FAM184B: variants seen among roughly 807,000 people sequenced by gnomAD.
FAM184B encodes the protein protein FAM184B.
FAM184B carries 111 observed loss-of-function variants against 135.9 expected under a neutral mutation model. That is an observed-to-expected ratio of 0.82 (90% CI 0.70 to 0.96). The LOEUF (loss-of-function observed/expected upper bound fraction) is 0.96, where lower values mean the gene tolerates loss of function less well. Ranked by LOEUF, FAM184B falls within the 40% of genes least tolerant of loss-of-function variation. The pLI, the probability that FAM184B is intolerant of heterozygous loss-of-function variation, is 0.00. For missense variants in FAM184B, 1,375 were observed against 1,323.9 expected (o/e 1.04, Z -0.60); for synonymous variants, 552 against 524.8 (o/e 1.05, Z -0.71).
chr4:17,655,956 C>A (rs1299082846), intron 10 of FAM184B, among the ~76,000 whole-genome samples: 3 of 152,208 alleles, frequency 2.0e-5, no homozygotes. Context: ...AACCTAATGA[C>A]CTATCCGAGC....
intron 1 of FAM184B, among the ~76,000 whole-genome samples, chr4:17,774,450 C>G (rs567177812): frequency 1.3e-5 from 2 of 152,298 alleles, no homozygotes; most frequent in East Asian, 3.9e-4. Flanking sequence ...GAGGTGGACA[C>G]GGGCCCAGAG....
At chr4:17,765,534 A>G (rs1577294781) in intron 1 of FAM184B, among the ~76,000 whole-genome samples, 1 of 152,120 alleles carries the variant, frequency 6.6e-6, no homozygotes, top group African/African-American at 2.4e-5. Context: ...CACAGTTCTT[A>G]GCAGCATATC....
chr4:17,681,345 G>A (rs1427638017), intron 7 of FAM184B, among the ~76,000 whole-genome samples: 1 of 152,190 alleles, frequency 6.6e-6, no homozygotes, highest in Admixed American at 6.5e-5. Flanking sequence ...GTCTTGGGCA[G>A]AGCTGGGTGG....
At chr4:17,682,586 C>T (rs192924150) in intron 7 of FAM184B, among the ~76,000 whole-genome samples, 12 of 152,258 alleles carry the variant, frequency 7.9e-5, no homozygotes, top group Non-Finnish European at 1.3e-4. Context: ...GCAACCTCTA[C>T]CTCCCAGGTC....
At chr4:17,779,800 A>G (rs1049421909) in intron 1 of FAM184B, among the ~76,000 whole-genome samples, 2 of 152,240 alleles carry the variant, frequency 1.3e-5, no homozygotes, top group Non-Finnish European at 2.9e-5. Context: ...AAGACATAGT[A>G]TAGTCTTCTA....
At chr4:17,737,661 A>G (rs553250048) in intron 1 of FAM184B, among the ~76,000 whole-genome samples, 14 of 152,286 alleles carry the variant, frequency 9.2e-5, no homozygotes, top group African/African-American at 2.6e-4. Flanking sequence ...TTCGATTTTC[A>G]GTGTTCCTCC....
At chr4:17,703,459 A>G (rs954973316) in intron 5 of FAM184B, among the ~76,000 whole-genome samples, 1 of 151,704 alleles carries the variant, frequency 6.6e-6, no homozygotes, top group African/African-American at 2.4e-5. Flanking sequence ...GATCACACCA[A>G]TGCACTCCAG....
At chr4:17,636,874 G>T (rs905122990) in intron 14 of FAM184B, among the ~76,000 whole-genome samples, 2 of 152,170 alleles carry the variant, frequency 1.3e-5, no homozygotes, top group African/African-American at 4.8e-5. Context: ...AGGCCCCTGT[G>T]TGCACATAGA....
At chr4:17,677,609 T>G (rs537181006) in intron 7 of FAM184B, among the ~76,000 whole-genome samples, 109 of 152,052 alleles carry the variant, frequency 7.2e-4, no homozygotes, top group African/African-American at 2.4e-3. Context: ...AAGAATCATA[T>G]TAATCCTATT....
chr4:17,670,815 T>G (rs530292640), intron 7 of FAM184B, among the ~76,000 whole-genome samples: 1 of 152,294 alleles, frequency 6.6e-6, no homozygotes, highest in East Asian at 1.9e-4. Context: ...ACCCTGTATT[T>G]TCTGACTCCC....
At chr4:17,780,117 C>T (rs1422526571) in intron 1 of FAM184B, among the ~76,000 whole-genome samples, 1 of 152,124 alleles carries the variant, frequency 6.6e-6, no homozygotes, top group Non-Finnish European at 1.5e-5. Flanking sequence ...GGCTAGTGTT[C>T]AATTCCAAGC....
At chr4:17,656,345 T>C (rs1715778320) in intron 10 of FAM184B, among the ~76,000 whole-genome samples, 1 of 152,204 alleles carries the variant, frequency 6.6e-6, no homozygotes, top group Non-Finnish European at 1.5e-5. Context: ...ACTGACATCT[T>C]TTTTGAATAC....
chr4:17,652,758 G>T, intron 11 of FAM184B, 72 bp downstream of exon 11: 2 of 1,494,302 alleles, frequency 1.3e-6, no homozygotes, highest in Non-Finnish European at 1.8e-6. Flanking sequence ...CTGGCCCTCA[G>T]CTTGTCTCTG....
rs1398819971 is a variant in FAM184B at position 17,636,635 on chromosome 4, A to T, written c.2677T>A (p.Ser893Thr). 6.5e-7 allele frequency: 1 copy of T among 1,549,166 alleles called. No individual in the cohort carries two copies. The highest frequency in any genetic ancestry group is 8.7e-7 in the Non-Finnish European group (1 of 1,146,386). The change falls in exon 15 of 18, where the codon TCC becomes ACC. Residue 893 changes from serine to threonine, a missense_variant. Ser to Thr is a moderately conservative substitution (Grantham distance 58). Transcript: ENST00000265018. ...LAALEAELKD[S>T]GEKPGKGASR... ...GCTCCCTTCCCTGGCTTCTCTCCGG[A>T]ATCTTTCAGTCTGTTCCAAGCAGGC...
chr4:17,719,688 A>T (rs373981996), intron 1 of FAM184B, among the ~76,000 whole-genome samples: 7 of 152,294 alleles, frequency 4.6e-5, no homozygotes, highest in East Asian at 1.9e-4. Context: ...TCTTTATTTT[A>T]ACCCCACATT....
At chr4:17,698,122 T>A (rs1716906560) in intron 5 of FAM184B, among the ~76,000 whole-genome samples, 1 of 151,978 alleles carries the variant, frequency 6.6e-6, no homozygotes, top group Non-Finnish European at 1.5e-5. Context: ...ACAAGGATAT[T>A]GAGAAAAAAG....
intron 1 of FAM184B, among the ~76,000 whole-genome samples, chr4:17,767,362 C>A (rs536470603): frequency 6.6e-6 from 1 of 152,278 alleles, no homozygotes; most frequent in South Asian, 2.1e-4. Context: ...CATGCTGTCA[C>A]CTCTCAGTAA....
In FAM184B at chr4:17,694,620, C is replaced by T. The variant is rs41334544; in HGVS notation, c.1378-1208G>A. 1.6e-3 allele frequency among the ~76,000 whole-genome samples: 246 copies of T among 152,202 alleles called. 6 individuals carry two copies. In the East Asian group the frequency reaches 0.038, roughly 24 times the overall value. ...TATCTAGAGGAGTGAATGAGATAGT[C>T]TGTTCCTCTTAGCTGAACTTTAGGT... On this transcript the variant is annotated intron_variant, in intron 5 of 17. Transcript: ENST00000265018.
chr4:17,652,475 C>A (rs752581587), intron 11 of FAM184B, among the ~76,000 whole-genome samples: 1 of 152,200 alleles, frequency 6.6e-6, no homozygotes, highest in African/African-American at 2.4e-5. Context: ...GAGGTAGGGA[C>A]AACTGTAATT....
Sources: gnomAD v4.1 joint callset for allele counts (sites outside exome capture counted in the v4.1 genomes callset) on GRCh38, gnomAD v4.1.1 for gene constraint, MANE v1.5 for transcripts, NCBI Gene and HGNC (gene_info 2026-07-23, HGNC 2026-07-21) for gene names.